PTPRD: variants seen among roughly 807,000 people sequenced by gnomAD.
PTPRD encodes protein tyrosine phosphatase receptor type D.
PTPRD carries 34 observed loss-of-function variants against 214.5 expected under a neutral mutation model. The observed-to-expected ratio is 0.16, with a 90% CI of 0.12 to 0.21. The LOEUF (loss-of-function observed/expected upper bound fraction) is 0.21. Ranked by LOEUF, PTPRD falls within the 10% of genes least tolerant of loss-of-function variation. PTPRD has a pLI of 1.00. For missense variants in PTPRD, 2,545 were observed against 2,398.7 expected, an observed-to-expected ratio of 1.06 and a Z score of -1.27; for synonymous variants, 1,128 against 845.7, an observed-to-expected ratio of 1.33 and a Z score of -5.79.
At chr9:10,500,908 A>G (rs2043480195) in intron 2 of PTPRD, among the ~76,000 whole-genome samples, 1 of 151,844 alleles carries the variant, frequency 6.6e-6, no homozygotes, top group Admixed American at 6.6e-5. Context: ...CCTTTTGTAT[A>G]TATACCACGT....
At chr9:9,241,293 T>C (rs951951859) in intron 9 of PTPRD, among the ~76,000 whole-genome samples, 4 of 152,214 alleles carry the variant, frequency 2.6e-5, no homozygotes, top group Non-Finnish European at 5.9e-5. Context: ...AAAATATTTA[T>C]TCTTCTCCCC....
intron 14 of PTPRD, among the ~76,000 whole-genome samples, chr9:8,614,215 G>A (rs1444557301): frequency 6.6e-6 from 1 of 152,028 alleles, no homozygotes; most frequent in African/African-American, 2.4e-5. Context: ...TCACCTATTT[G>A]CTAAAGTTTA....
At chr9:9,706,841 G>C (rs1306072385) in intron 7 of PTPRD, among the ~76,000 whole-genome samples, 1 of 152,098 alleles carries the variant, frequency 6.6e-6, no homozygotes, top group Non-Finnish European at 1.5e-5. Flanking sequence ...GGTGGGAATG[G>C]GGCGAGGTAG....
chr9:9,434,151 A>G (rs1202765792), intron 8 of PTPRD, among the ~76,000 whole-genome samples: 1 of 152,188 alleles, frequency 6.6e-6, no homozygotes, highest in Non-Finnish European at 1.5e-5. Context: ...GTCCTAGAGT[A>G]AAAACTGAAT....
At chr9:9,118,381 C>T (rs997310403) in intron 10 of PTPRD, among the ~76,000 whole-genome samples, 1 of 152,126 alleles carries the variant, frequency 6.6e-6, no homozygotes, top group East Asian at 1.9e-4. Flanking sequence ...CCATTTTCTG[C>T]AGAAGTTATA....
intron 6 of PTPRD, among the ~76,000 whole-genome samples, chr9:9,752,201 T>C (rs1195207353): frequency 6.6e-6 from 1 of 152,076 alleles, no homozygotes; most frequent in Non-Finnish European, 1.5e-5. Context: ...GGATTATCTG[T>C]GAATTTAAAG....
At chr9:8,971,534 G>A (rs1260309618) in intron 11 of PTPRD, among the ~76,000 whole-genome samples, 1 of 151,600 alleles carries the variant, frequency 6.6e-6, no homozygotes, top group African/African-American at 2.4e-5. Flanking sequence ...ATTGATATAG[G>A]TAAGTGTTTA....
At chr9:9,397,286 A>C (rs1466446571) in intron 9 of PTPRD, among the ~76,000 whole-genome samples, 163 bp downstream of exon 9, 1 of 152,040 alleles carries the variant, frequency 6.6e-6, no homozygotes, top group East Asian at 1.9e-4. Context: ...TCTTACTTTT[A>C]ATTGAAAAGA....
At chr9:8,667,263 C>CGCGT (rs2097188973) in intron 12 of PTPRD, among the ~76,000 whole-genome samples, 1 of 152,062 alleles carries the variant, frequency 6.6e-6, no homozygotes, top group South Asian at 2.1e-4. Flanking sequence ...CGCTTGAACA[C>CGCGT]GGGACGCAGA....
Position 8,549,907 on chromosome 9 carries a change from G to A in PTPRD, c.353-21128C>T, listed in dbSNP as rs146220025. Among the ~76,000 whole-genome samples the A allele has an allele frequency of 6.3e-3, 966 of 152,192 alleles. 11 individuals are homozygous for A. The highest frequency in any genetic ancestry group is 0.021 in the African/African-American group (873 of 41,532). ...ACCATTTCAAGCTCTTTCATTTAGC[G>A]TATCTATATTCAGATCTCCATTCAT... On this transcript the variant is annotated intron_variant, in intron 14 of 45. Transcript: ENST00000381196.
intron 8 of PTPRD, among the ~76,000 whole-genome samples, chr9:9,502,854 G>A (rs2096462441): frequency 2.0e-5 from 3 of 151,864 alleles, no homozygotes; most frequent in Admixed American, 2.0e-4. Context: ...TTCTATTTAT[G>A]TGACATTCTC....
chr9:9,822,112 TATAA>T (rs985677561), intron 5 of PTPRD, among the ~76,000 whole-genome samples: 3 of 151,564 alleles, frequency 2.0e-5, no homozygotes, highest in East Asian at 1.9e-4. Flanking sequence ...AAATTGGCCT[TATAA>T]ATATAGATAG....
chr9:9,572,893 G>A (rs1444418292), intron 8 of PTPRD, among the ~76,000 whole-genome samples: 2 of 151,314 alleles, frequency 1.3e-5, no homozygotes, highest in African/African-American at 2.4e-5. Context: ...GAAAAACCCC[G>A]GTGTCAGTGA....
chr9:10,559,571 AC>A (rs1420753552), intron 2 of PTPRD, among the ~76,000 whole-genome samples: 1 of 152,160 alleles, frequency 6.6e-6, no homozygotes, highest in Non-Finnish European at 1.5e-5. Context: ...ATCTAATTAA[AC>A]TAAAGAGCTT....
intron 2 of PTPRD, among the ~76,000 whole-genome samples, chr9:10,378,891 G>A (rs1212267513): frequency 3.3e-5 from 5 of 151,906 alleles, no homozygotes; most frequent in African/African-American, 1.2e-4. Flanking sequence ...TATTGAATCT[G>A]TAGATGACTT....
At chr9:9,708,675 T>A (rs567128118) in intron 7 of PTPRD, among the ~76,000 whole-genome samples, 5 of 152,128 alleles carry the variant, frequency 3.3e-5, no homozygotes, top group African/African-American at 9.6e-5. Context: ...AAAAAAACTA[T>A]ATTAAATTTT....
intron 4 of PTPRD, among the ~76,000 whole-genome samples, chr9:9,954,304 A>G (rs1047939579): frequency 6.9e-6 from 1 of 145,820 alleles, no homozygotes; most frequent in African/African-American, 2.6e-5. Context: ...AAACAAAAAA[A>G]AAAAAAAAAA....
chr9:9,560,959 T>G (rs2082775527), intron 8 of PTPRD, among the ~76,000 whole-genome samples: 1 of 152,134 alleles, frequency 6.6e-6, no homozygotes. Context: ...CTCCTGTCTA[T>G]CTGCAAGACA....
chr9:9,509,328 T>C (rs2096644389), intron 8 of PTPRD, among the ~76,000 whole-genome samples: 1 of 151,540 alleles, frequency 6.6e-6, no homozygotes, highest in Admixed American at 6.6e-5. Flanking sequence ...ATATAGAAAT[T>C]GACCCTCCTA....
Sources: gnomAD v4.1 joint callset for allele counts (sites outside exome capture counted in the v4.1 genomes callset) on GRCh38, gnomAD v4.1.1 for gene constraint, MANE v1.5 for transcripts, NCBI Gene and HGNC (gene_info 2026-07-23, HGNC 2026-07-21) for gene names.